The following LINGO3 variants were observed in gnomAD, a reference collection of about 807,000 sequenced individuals.
LINGO3 encodes leucine rich repeat and Ig domain containing 3, also known as leucine-rich repeat and immunoglobulin-like domain-containing nogo receptor-interacting protein 3.
For synonymous variants in LINGO3, 427 were observed against 444.2 expected, an observed-to-expected ratio of 0.96 and a Z score of 0.49; for missense variants, 750 against 867.7, an observed-to-expected ratio of 0.86 and a Z score of 1.70.
rs759368672 is a variant in LINGO3 at position 2,291,360 on chromosome 19, T to A, written c.417A>T (p.Val139=). The A allele has an allele frequency of 8.6e-5, 138 of 1,613,260 alleles. No individual in the cohort carries two copies. The South Asian group carries it at 1.5e-3, about 17-fold the overall frequency. ...CCTGGAAAGTGTAGTCCAGCAGGAT[T>A]ACCAGCTTGTTCTCGCTCAGGTCCA... Residue 139 remains valine, a synonymous_variant, in exon 1 of 1, where the codon GTA becomes GTT. Coordinates refer to ENST00000585527, the Ensembl canonical transcript of LINGO3.
the LINGO3 span, among the ~76,000 whole-genome samples, chr19:2,303,357 G>A: frequency 1.2e-3 from 8 of 6,736 alleles, no homozygotes; most frequent in Non-Finnish European, 3.4e-3. Flanking sequence ...AGGGAGCTGT[G>A]GGGGGGGGGG....
the LINGO3 span, among the ~76,000 whole-genome samples, chr19:2,305,367 A>G: frequency 6.6e-6 from 1 of 151,958 alleles, no homozygotes; most frequent in Admixed American, 6.6e-5. Flanking sequence ...TCCTGGATTA[A>G]TGGTCCTGGA....
downstream of LINGO3, among the ~76,000 whole-genome samples, chr19:2,289,570 C>T (rs1292175470): frequency 3.3e-5 from 5 of 151,960 alleles, no homozygotes; most frequent in Admixed American, 3.3e-4. Context: ...ACCGTCTCCC[C>T]GATGCGATCT....
Position 2,290,677 on chromosome 19 carries a change from C to T in LINGO3, c.1100G>A (p.Arg367His), listed in dbSNP as rs1053537850. The T allele has an allele frequency of 2.5e-6, 4 of 1,608,080 alleles. No individual in the cohort carries two copies. Among genetic ancestry groups the T allele is most frequent in the Non-Finnish European group, 1.7e-6 (2 of 1,178,178 alleles). Residue 367 changes from arginine (R) to histidine (H), a missense_variant, in exon 1 of 1, where the codon CGC becomes CAC. Transcript: ENST00000585527. This position sits in a 1 kb window ranked among gnomAD's most constrained non-coding sequence, Gnocchi z 6.0. ...CCGCCCGTCGAAGTTGAGGGTCTTG[C>T]GACGCTGCACGATCCACAGCAGGCG...
At chr19:2,302,402 C>T in the LINGO3 span, among the ~76,000 whole-genome samples, 19 of 152,246 alleles carry the variant, frequency 1.2e-4, no homozygotes, top group Non-Finnish European at 1.8e-4. Flanking sequence ...CGGGTGACAC[C>T]GTGAAATCAG....
At position 2,291,469 on chromosome 19, in the gene LINGO3, C is replaced by A. The variant is rs1022186992; in HGVS notation, c.308G>T (p.Arg103Leu). 3 of 1,612,734 alleles carry A rather than the reference C, an allele frequency of 1.9e-6. No individual in the cohort carries two copies. In the African/African-American group the frequency reaches 4.0e-5, roughly 22 times the overall value. The change falls in exon 1 of 1, where the codon CGC becomes CTC. Residue 103 changes from arginine (R) to leucine (L), a missense_variant. By Grantham distance (102) the Arg-to-Leu change is moderately radical (BLOSUM62 -2). Coordinates refer to ENST00000585527, the Ensembl canonical transcript of LINGO3. ...GCCACGGAGACGCAGGACGCGCAGG[C>A]GCGGCAGGTTGGCGAAGGCGCCGGG...
upstream of LINGO3, among the ~76,000 whole-genome samples, chr19:2,294,120 A>G (rs1003984002): frequency 1.3e-5 from 2 of 152,172 alleles, no homozygotes; most frequent in African/African-American, 4.8e-5. The surrounding 1 kb of genome is among the most constrained non-coding windows in gnomAD (Gnocchi z 4.3). Flanking sequence ...ATTTGGAATC[A>G]GGGTCTTTAC....
downstream of LINGO3, among the ~76,000 whole-genome samples, chr19:2,287,882 T>C (rs1227884032): frequency 6.6e-6 from 1 of 152,196 alleles, no homozygotes; most frequent in Non-Finnish European, 1.5e-5. This position sits in a 1 kb window ranked among gnomAD's most constrained non-coding sequence, Gnocchi z 4.5. Context: ...GGGTCTGTCC[T>C]AACCTCTTGG....
chr19:2,304,710 CTTTTTTTTT>C, the LINGO3 span, among the ~76,000 whole-genome samples: 3 of 73,212 alleles, frequency 4.1e-5, no homozygotes, highest in Non-Finnish European at 5.0e-5. Flanking sequence ...CCATGTCCTG[CTTTTTTTTT>C]TTTTTTTTTT....
exon 1 of LINGO3, chr19:2,291,722 G>C: frequency 7.4e-7 from 1 of 1,344,242 alleles, no homozygotes. Context: ...GCCGGGGGCG[G>C]CGCCGCGGGC....
chr19:2,308,142 A>AGCCGCTGCC, the LINGO3 span, among the ~76,000 whole-genome samples: 1 of 139,692 alleles, frequency 7.2e-6, no homozygotes, highest in Non-Finnish European at 1.6e-5. Context: ...CGACACGAGC[A>AGCCGCTGCC]GCCGCCGCCG....
chr19:2,305,010 C>T, the LINGO3 span, among the ~76,000 whole-genome samples: 14 of 152,182 alleles, frequency 9.2e-5, no homozygotes, highest in African/African-American at 3.4e-4. Flanking sequence ...CACCCAGCCT[C>T]ATGCCCTGGT....
At chr19:2,289,896 G>A in exon 1 of LINGO3, 1 of 965,146 alleles carries the variant, frequency 1.0e-6, no homozygotes, top group Non-Finnish European at 1.5e-6. Flanking sequence ...TGCCTGGGGA[G>A]CGCCGTGCAG....
At position 2,290,736 on chromosome 19, in the gene LINGO3, C is replaced by T. The variant is rs751204640; in HGVS notation, c.1041G>A (p.Leu347=). The change falls in exon 1 of 1, where the codon CTG becomes CTA. Residue 347 remains leucine (L), a synonymous_variant. Coordinates refer to ENST00000585527, the Ensembl canonical transcript of LINGO3. This position sits in a 1 kb window ranked among gnomAD's most constrained non-coding sequence, Gnocchi z 6.0. ...AGGCCAGCGGGTTCCCGTCCACGCG[C>T]AGCGTCTCTAGCGTGTTCACCGAGT... The T allele has an allele frequency of 1.9e-6, 3 of 1,612,550 alleles. No individual in the cohort carries two copies. Among genetic ancestry groups the T allele is most frequent in the Non-Finnish European group, 2.5e-6 (3 of 1,179,622 alleles).
upstream of LINGO3, among the ~76,000 whole-genome samples, chr19:2,295,577 A>T (rs1197146055): frequency 6.6e-6 from 1 of 152,140 alleles, no homozygotes; most frequent in African/African-American, 2.4e-5. Flanking sequence ...TCTACTAAAA[A>T]ATACAAAAAC....
exon 1 of LINGO3, chr19:2,291,462 G>A (rs1467223212): frequency 6.2e-7 from 1 of 1,612,882 alleles, no homozygotes; most frequent in Non-Finnish European, 8.5e-7. Context: ...GACGCAGGAC[G>A]CGCAGGCGCG....
the LINGO3 span, among the ~76,000 whole-genome samples, chr19:2,301,763 T>C: frequency 6.6e-6 from 1 of 151,406 alleles, no homozygotes; most frequent in Non-Finnish European, 1.5e-5. Context: ...CCGTCTCTAC[T>C]AAAAAATACA....
At chr19:2,300,324 G>GC in the LINGO3 span, among the ~76,000 whole-genome samples, 2 of 151,908 alleles carry the variant, frequency 1.3e-5, no homozygotes, top group African/African-American at 4.8e-5. Flanking sequence ...GAGCCACTGC[G>GC]CCCGGCCCCA....
At chr19:2,289,984 G>A (rs756515987) in exon 1 of LINGO3, 8 of 1,498,000 alleles carry the variant, frequency 5.3e-6, no homozygotes, top group African/African-American at 4.3e-5. Context: ...GGGAGGGTCC[G>A]CCCTGGGGAC....
Sources: allele counts gnomAD v4.1 joint callset (sites outside exome capture counted in the v4.1 genomes callset), GRCh38; gene constraint gnomAD v4.1.1; non-coding constraint Gnocchi (gnomAD v3.1); transcripts MANE v1.5; gene names NCBI Gene and HGNC (gene_info 2026-07-23, HGNC 2026-07-21).